WDPCP: variants seen among roughly 807,000 people sequenced by gnomAD.
WDPCP encodes WD repeat containing planar cell polarity effector, also known as WD repeat-containing and planar cell polarity effector protein fritz homolog.
In WDPCP, 71 loss-of-function variants were observed where a neutral mutation model predicts 93.1. The ratio of observed to expected loss-of-function variants is 0.76; its 90% CI spans 0.63 to 0.93. WDPCP has a LOEUF of 0.93. WDPCP is among the 40% of genes least tolerant of loss of function. The pLI, the probability that WDPCP is intolerant of heterozygous loss-of-function variation, is 0.00. For synonymous variants in WDPCP, 315 were observed against 315.0 expected (o/e 1.00, Z 0.00); for missense variants, 844 against 887.4 (o/e 0.95, Z 0.62).
In WDPCP at chr2:63,121,936, G is replaced by A. The variant is rs532551640; in HGVS notation, c.*70C>T. The A allele has an allele frequency of 3.1e-6, 5 of 1,598,530 alleles. No individual in the cohort carries two copies. In the South Asian group the frequency reaches 4.6e-5, roughly 15 times the overall value. On this transcript the variant is annotated 3_prime_UTR_variant, in exon 18 of 18. Coordinates refer to ENST00000272321, the MANE Select transcript of WDPCP (RefSeq NM_015910.7). ...TCTCTTGTTAAAAATCCACACGGGG[G>A]ATTTTAAGTCTGTATCAGGCCATGA...
intron 2 of WDPCP, among the ~76,000 whole-genome samples, chr2:63,725,748 T>C (rs908338077): frequency 5.3e-5 from 8 of 152,184 alleles, no homozygotes; most frequent in African/African-American, 1.9e-4. Flanking sequence ...TTCTGACTGG[T>C]ATGAGATGGT....
chr2:63,380,363 T>C (rs1692197239), intron 11 of WDPCP, among the ~76,000 whole-genome samples: 1 of 152,128 alleles, frequency 6.6e-6, no homozygotes, highest in Non-Finnish European at 1.5e-5. Context: ...GGAGTTATAC[T>C]CTTCTTTTTA....
intron 1 of WDPCP, among the ~76,000 whole-genome samples, chr2:63,549,160 G>T (rs1290565815): frequency 2.0e-5 from 3 of 147,286 alleles, no homozygotes; most frequent in African/African-American, 7.6e-5. Context: ...GAGGCAGGGA[G>T]AATCACTTGA....
In WDPCP at chr2:63,622,791, G is replaced by T. The variant is rs1445644771; in HGVS notation, n.488+27868C>A. On this transcript the variant is annotated intron_variant and non_coding_transcript_variant, in intron 3 of 4. Transcript: ENST00000467687. ...GAAGGCGGCGAACACTTGGTCCCAG[G>T]AACTCCGGAGCACGCTCTGGCCCAG... 2.4e-5 allele frequency: 38 copies of T among 1,612,578 alleles called. No individual in the cohort carries two copies. In the East Asian group the frequency reaches 8.5e-4, roughly 36 times the overall value.
At chr2:63,429,175 GATTAA>G (rs990687758) in intron 9 of WDPCP, among the ~76,000 whole-genome samples, 4 of 152,054 alleles carry the variant, frequency 2.6e-5, no homozygotes, top group Non-Finnish European at 4.4e-5. Flanking sequence ...ATTAATTCAC[GATTAA>G]ATTAAACAAA....
At chr2:63,198,431 T>A (rs1276667026) in intron 14 of WDPCP, among the ~76,000 whole-genome samples, 1 of 152,226 alleles carries the variant, frequency 6.6e-6, no homozygotes, top group Non-Finnish European at 1.5e-5. Context: ...AACTTGTGGA[T>A]GCCAGGGAAA....
intron 13 of WDPCP, among the ~76,000 whole-genome samples, chr2:63,293,821 G>C (rs531463724): frequency 1.3e-5 from 2 of 152,170 alleles, no homozygotes; most frequent in East Asian, 3.9e-4. Context: ...CTAAGGAACA[G>C]AAAGAAAAAA....
intron 3 of WDPCP, chr2:63,597,172 T>G (rs11125979): frequency 0.24 from 138,887 of 570,194 alleles, 18,014 homozygotes; most frequent in East Asian, 0.71. Context: ...AGTTTTGACA[T>G]TTAAGTAATT....
At chr2:63,577,550 G>A (rs575058190) in intron 1 of WDPCP, among the ~76,000 whole-genome samples, 1 of 152,212 alleles carries the variant, frequency 6.6e-6, no homozygotes, top group African/African-American at 2.4e-5. Flanking sequence ...TATCATTAAA[G>A]GATGCAAACC....
chr2:63,821,659 T>C (rs1452590245), intron 1 of WDPCP, among the ~76,000 whole-genome samples: 1 of 152,152 alleles, frequency 6.6e-6, no homozygotes, highest in Admixed American at 6.5e-5. Flanking sequence ...GACAAAAATC[T>C]AGTTAGGATG....
At chr2:63,317,621 A>C (rs1018724719) in intron 12 of WDPCP, among the ~76,000 whole-genome samples, 17 of 152,174 alleles carry the variant, frequency 1.1e-4, no homozygotes, top group Admixed American at 3.9e-4. Flanking sequence ...ACCTGCAACC[A>C]ACCATCTGAT....
At chr2:63,625,504 A>C (rs949646795) in intron 3 of WDPCP, among the ~76,000 whole-genome samples, 5 of 152,368 alleles carry the variant, frequency 3.3e-5, no homozygotes, top group African/African-American at 9.6e-5. Context: ...ATCAATGTGC[A>C]AAAATCGCAA....
intron 15 of WDPCP, among the ~76,000 whole-genome samples, chr2:63,157,941 G>A (rs1480787606): frequency 2.6e-5 from 4 of 151,670 alleles, no homozygotes; most frequent in Non-Finnish European, 4.4e-5. Flanking sequence ...CTGTTTAGAT[G>A]GAAGCTTAGA....
chr2:63,457,360 G>C (rs1201898258), intron 6 of WDPCP, among the ~76,000 whole-genome samples: 1 of 151,776 alleles, frequency 6.6e-6, no homozygotes, highest in African/African-American at 2.4e-5. Flanking sequence ...CCAAGGACCA[G>C]GTGGATTCCC....
At chr2:63,830,450 TTTTG>T (rs1243888859), upstream of WDPCP, among the ~76,000 whole-genome samples, 2 of 152,098 alleles carry the variant, frequency 1.3e-5, no homozygotes, top group African/African-American at 2.4e-5. Flanking sequence ...TCCCTAAATG[TTTTG>T]TTTGTCTGTA....
intron 3 of WDPCP, among the ~76,000 whole-genome samples, chr2:63,593,941 G>A (rs1241106368): frequency 2.0e-5 from 3 of 152,104 alleles, no homozygotes; most frequent in Non-Finnish European, 4.4e-5. Flanking sequence ...TTGGAATCAG[G>A]TTGTCAGCTG....
chr2:63,594,323 C>T (rs751904933), intron 3 of WDPCP: 28 of 729,602 alleles, frequency 3.8e-5, no homozygotes, highest in Admixed American at 8.7e-5. Flanking sequence ...AATAACACCA[C>T]GTAAATATGC....
At chr2:63,469,977 ACAGGTAT>A (rs1401486540) in intron 6 of WDPCP, among the ~76,000 whole-genome samples, 1 of 152,204 alleles carries the variant, frequency 6.6e-6, no homozygotes, top group African/African-American at 2.4e-5. Context: ...CCATCTTGTT[ACAGGTAT>A]CTTGGCATAC....
chr2:63,832,665 G>T (rs1400887014), upstream of WDPCP, among the ~76,000 whole-genome samples: 1 of 152,080 alleles, frequency 6.6e-6, no homozygotes, highest in Non-Finnish European at 1.5e-5. Context: ...CACCTATACA[G>T]TACTCTACAG....
Sources: gnomAD v4.1 joint callset for allele counts (sites outside exome capture counted in the v4.1 genomes callset) on GRCh38, gnomAD v4.1.1 for gene constraint, MANE v1.5 for transcripts, NCBI Gene and HGNC (gene_info 2026-07-23, HGNC 2026-07-21) for gene names.